PRPSAP1: variants seen among roughly 807,000 people sequenced by gnomAD.
PRPSAP1 encodes phosphoribosyl pyrophosphate synthetase associated protein 1.
Under a neutral mutation model 39.4 loss-of-function variants are expected in PRPSAP1, and 31 were observed. The observed-to-expected ratio is 0.79, with a 90% CI of 0.59 to 1.06. PRPSAP1 has a LOEUF of 1.06. Ranked by LOEUF, PRPSAP1 falls within the 50% of genes least tolerant of loss-of-function variation. The pLI, the probability that PRPSAP1 is intolerant of heterozygous loss-of-function variation, is 0.00. For synonymous variants in PRPSAP1, 212 were observed against 192.6 expected, an observed-to-expected ratio of 1.10 and a Z score of -0.83; for missense variants, 430 against 511.6, an observed-to-expected ratio of 0.84 and a Z score of 1.54.
intron 4 of PRPSAP1, 79 bp downstream of exon 4, chr17:76,332,184 C>A (rs1331449181): frequency 2.0e-6 from 3 of 1,497,502 alleles, no homozygotes; most frequent in Non-Finnish European, 2.7e-6. Context: ...GATTGGATAT[C>A]TGAGGTATGA....
At position 76,330,885 on chromosome 17, in the gene PRPSAP1, A is replaced by C. The variant is rs954547255; in HGVS notation, c.464-219T>G. Among the ~76,000 whole-genome samples, 3 of 152,220 alleles carry C rather than the reference A, an allele frequency of 2.0e-5. No individual in the cohort carries two copies. The East Asian group carries it at 5.8e-4, about 29-fold the overall frequency. On this transcript the variant is annotated intron_variant, in intron 4 of 9. Coordinates refer to ENST00000446526, the MANE Select transcript of PRPSAP1 (RefSeq NM_002766.3). ...ATGGACAAAGAACTAAAGCTAAGAA[A>C]GTGGGAATTATTGACTTTTGGCTTG...
At chr17:76,312,437 C>CAAAAAAAA (rs10709096) in intron 9 of PRPSAP1, among the ~76,000 whole-genome samples, 1 of 132,936 alleles carries the variant, frequency 7.5e-6, no homozygotes, top group African/African-American at 2.6e-5. Context: ...GATTCCATCT[C>CAAAAAAAA]AAAAAAAAAA....
At position 76,313,875 on chromosome 17, in the gene PRPSAP1, C is replaced by G. The variant is rs1355431770; in HGVS notation, c.798G>C (p.Glu266Asp). Residue 266 changes from glutamate (E) to aspartate (D), a missense_variant, in exon 8 of 10, where the codon GAG becomes GAC. Coordinates refer to ENST00000446526, the MANE Select transcript of PRPSAP1 (RefSeq NM_002766.3). ...CTCCAACTACAGTTATCGGTGGCTT[C>G]TCTTTGGCCATCATCACTAGCAAAA... ...GLELPLMMAK[E>D]KPPITVVGDV... The G allele has an allele frequency of 6.2e-7, 1 of 1,614,058 alleles. No homozygotes were observed. Among genetic ancestry groups the G allele is most frequent in the Non-Finnish European group, 8.5e-7 (1 of 1,180,040 alleles).
Position 76,311,675 on chromosome 17 carries a change from T to C in PRPSAP1, c.1025A>G (p.His342Arg). ...DEVVVTNTVPHEVQKLQCPKI... is the reference protein window; with the variant it reads ...DEVVVTNTVPREVQKLQCPKI... ...GGGACATTGCAGCTTCTGAACCTCA[T>C]GAGGGACAGTATTCGTCACCACCAC... The change falls in exon 10 of 10, where the codon CAT becomes CGT. Residue 342 changes from histidine to arginine, a missense_variant. This residue lies in a region of PRPSAP1 where 278 missense variants were observed against 376.3 expected (regional missense o/e 0.74). Coordinates refer to ENST00000446526, the MANE Select transcript of PRPSAP1 (RefSeq NM_002766.3). 1 of 1,614,068 alleles carries C rather than the reference T, an allele frequency of 6.2e-7. No individual in the cohort carries two copies. The highest frequency in any genetic ancestry group is 8.5e-7 in the Non-Finnish European group (1 of 1,180,004).
chr17:76,332,688 TCCTGTGTCATA>T (rs1268732978), intron 3 of PRPSAP1, among the ~76,000 whole-genome samples: 1 of 152,120 alleles, frequency 6.6e-6, no homozygotes, highest in Non-Finnish European at 1.5e-5. Context: ...TGCCTGGGTC[TCCTGTGTCATA>T]CCCCGTTACT....
chr17:76,320,362 G>C (rs117953283), intron 7 of PRPSAP1, among the ~76,000 whole-genome samples: 1 of 131,030 alleles, frequency 7.6e-6, no homozygotes, highest in Non-Finnish European at 1.6e-5. Context: ...GAAGAAAAAG[G>C]AAGAAAGGCA....
At chr17:76,348,628 T>C in intron 1 of PRPSAP1, 47 bp from the exon 2 acceptor site, 7 of 1,456,884 alleles carry the variant, frequency 4.8e-6, no homozygotes, top group Non-Finnish European at 6.4e-6. Context: ...TTACTCTTTT[T>C]AAAAAAATTC....
At chr17:76,314,021 T>G in intron 7 of PRPSAP1, 130 bp from the exon 8 acceptor site, 2 of 913,896 alleles carry the variant, frequency 2.2e-6, no homozygotes, top group East Asian at 2.7e-5. Context: ...ACCATGCAAA[T>G]TCCCCCTCAA....
chr17:76,320,272 A>G (rs1194986465), intron 7 of PRPSAP1, among the ~76,000 whole-genome samples: 1 of 64,086 alleles, frequency 1.6e-5, no homozygotes, highest in Non-Finnish European at 3.9e-5. Flanking sequence ...AAGAAAAGAA[A>G]GAAAGAAAGA....
At chr17:76,345,104 G>A (rs906435755) in intron 2 of PRPSAP1, among the ~76,000 whole-genome samples, 28 of 151,646 alleles carry the variant, frequency 1.8e-4, no homozygotes, top group African/African-American at 5.6e-4. Flanking sequence ...GCGTGGTGGC[G>A]GGTGCCTGTA....
intron 3 of PRPSAP1, among the ~76,000 whole-genome samples, chr17:76,343,861 G>GT: frequency 6.6e-6 from 1 of 152,158 alleles, no homozygotes; most frequent in East Asian, 1.9e-4. Flanking sequence ...AAGTAAACAG[G>GT]TAACAGTACA....
At chr17:76,339,090 C>T (rs2071408385) in intron 3 of PRPSAP1, among the ~76,000 whole-genome samples, 2 of 151,550 alleles carry the variant, frequency 1.3e-5, no homozygotes, top group Admixed American at 1.3e-4. Context: ...ACTAAAGTAT[C>T]CAGTACTCAA....
At chr17:76,344,061 T>C (rs1422596169) in intron 3 of PRPSAP1, among the ~76,000 whole-genome samples, 2 of 147,226 alleles carry the variant, frequency 1.4e-5, no homozygotes, top group Non-Finnish European at 3.0e-5. Context: ...TCTCCTGCCT[T>C]AGCCTCTCAA....
chr17:76,328,661 C>CAA, intron 7 of PRPSAP1, 56 bp downstream of exon 7: 9 of 1,512,318 alleles, frequency 6.0e-6, no homozygotes, highest in African/African-American at 5.6e-5. Context: ...ACAAAACCAA[C>CAA]AAAAAAAAAC....
intron 1 of PRPSAP1, among the ~76,000 whole-genome samples, chr17:76,349,374 T>G (rs370648137): frequency 1.3e-5 from 2 of 152,022 alleles, no homozygotes; most frequent in East Asian, 3.9e-4. Context: ...TACATAATAT[T>G]AAGGAATTAA....
chr17:76,330,593 G>A lies in PRPSAP1; in HGVS notation c.537C>T (p.Asn179=). Residue 179 remains asparagine, a synonymous_variant, in exon 5 of 10, where the codon AAC becomes AAT. Transcript: ENST00000446526. The part of the protein sequence containing the change: ...IQGFFSFPVD[N]LRASPFLLQY... ...GAAGCAGGAAAGGTGAGGCTCTAAG[G>A]TTGTCCACAGGAAAGCTGAAAAAGC... 2 of 1,613,110 alleles carry A rather than the reference G, an allele frequency of 1.2e-6. No homozygotes were observed. Among genetic ancestry groups the A allele is most frequent in the Non-Finnish European group, 1.7e-6 (2 of 1,179,284 alleles).
In PRPSAP1 at chr17:76,353,568, C is replaced by T. The variant is rs1225024331; in HGVS notation, c.136G>A (p.Ala46Thr). ...CGCTTGGCCAGCTCCGTGCAGGCGG[C>T]CGTGGAGTTGGCCGAGAAGACTCGG... ...GYRVFSANST[A>T]ACTELAKRIT... is the part of the protein sequence containing the mutation. Residue 46 changes from alanine to threonine, a missense_variant, in exon 1 of 10, where the codon GCC (alanine) becomes ACC (threonine). Physicochemically the swap from Ala to Thr is moderately conservative, Grantham distance 58. This residue lies in a region of PRPSAP1 where 152 missense variants were observed against 135.2 expected (regional missense o/e 1.12). Coordinates refer to ENST00000446526, the MANE Select transcript of PRPSAP1 (RefSeq NM_002766.3). 2 of 1,558,074 alleles carry T rather than the reference C, an allele frequency of 1.3e-6. No individual in the cohort carries two copies. Among genetic ancestry groups the T allele is most frequent in the African/African-American group, 1.4e-5 (1 of 71,116 alleles).
Position 76,353,894 on chromosome 17 carries a change from G to C in PRPSAP1, c.-191C>G. 1.5e-6 allele frequency: 2 copies of C among 1,331,626 alleles called. No homozygotes were observed. The highest frequency in any genetic ancestry group is 1.9e-6 in the Non-Finnish European group (2 of 1,046,688). The allele number at this position is 1,331,626 out of a possible 1,614,324, so 82.5% of individuals were successfully genotyped here. On this transcript the variant is annotated 5_prime_UTR_variant, in exon 1 of 10. Coordinates refer to ENST00000446526, the MANE Select transcript of PRPSAP1 (RefSeq NM_002766.3). Reference sequence around the variant, plus strand: ...CGGCCGAGCCTTCGCAGCGCCCGGCGCCGCCGCCTCAGAGCCAGAGGCAAG... The same window carrying C: ...CGGCCGAGCCTTCGCAGCGCCCGGCCCCGCCGCCTCAGAGCCAGAGGCAAG...
chr17:76,349,809 G>A (rs2071548520), intron 1 of PRPSAP1, among the ~76,000 whole-genome samples: 1 of 151,624 alleles, frequency 6.6e-6, no homozygotes, highest in Admixed American at 6.6e-5. Flanking sequence ...AGCCAGGCCA[G>A]GCGCAGTGGT....
Sources: gnomAD v4.1 joint callset for allele counts (sites outside exome capture counted in the v4.1 genomes callset) on GRCh38, gnomAD v4.1.1 for gene constraint, gnomAD v4.1.1 regional missense constraint, MANE v1.5 for transcripts, NCBI Gene and HGNC (gene_info 2026-07-23, HGNC 2026-07-21) for gene names.